The following GOLIM4 variants were observed in gnomAD, a reference collection of about 807,000 sequenced individuals.
The protein encoded by GOLIM4 is 130 kDa golgi-localized phosphoprotein.
GOLIM4 carries 71 observed loss-of-function variants against 107.4 expected under a neutral mutation model. That is an observed-to-expected ratio of 0.66 (90% confidence interval 0.55 to 0.81). The LOEUF is 0.81. Ranked by LOEUF, GOLIM4 falls within the 30% of genes least tolerant of loss-of-function variation. The pLI is 0.00. For missense variants in GOLIM4, 830 were observed against 826.1 expected, an observed-to-expected ratio of 1.00 and a Z score of -0.06; for synonymous variants, 327 against 294.8, an observed-to-expected ratio of 1.11 and a Z score of -1.12.
At chr3:168,025,489 A>G (rs923084932) in intron 12 of GOLIM4, among the ~76,000 whole-genome samples, 1 of 152,224 alleles carries the variant, frequency 6.6e-6, no homozygotes, top group Non-Finnish European at 1.5e-5. Context: ...TCTTTTTGCT[A>G]TGTTGATTTT....
Position 168,095,219 on chromosome 3 carries a change from C to A in GOLIM4, c.67G>T (p.Val23Leu), listed in dbSNP as rs768502948. The change falls in exon 1 of 16, where the codon GTG becomes TTG. Residue 23 changes from valine (V) to leucine (L), a missense_variant. Physicochemically the swap from Val to Leu is conservative, Grantham distance 32 (BLOSUM62 1). Coordinates refer to ENST00000470487, the MANE Select transcript of GOLIM4 (RefSeq NM_014498.5). ...IFQTLLLLTV[V>L]FGFLYGAMLY... ...ATCGCGCCGTAGAGAAAGCCGAACA[C>A]GACGGTCAGCAGCAGCAGCGTCTGG... The A allele has an allele frequency of 6.2e-7, 1 of 1,613,708 alleles. No individual in the cohort carries two copies. Among genetic ancestry groups the A allele is most frequent in the Non-Finnish European group, 8.5e-7 (1 of 1,180,002 alleles).
At chr3:168,043,301 C>G in intron 5 of GOLIM4, 78 bp downstream of exon 5, 1 of 993,306 alleles carries the variant, frequency 1.0e-6, no homozygotes. Context: ...CCACTCAAAA[C>G]AACAGTCTAC....
intron 14 of GOLIM4, among the ~76,000 whole-genome samples, chr3:168,021,202 C>G (rs1157299684): frequency 6.6e-6 from 1 of 152,100 alleles, no homozygotes; most frequent in Non-Finnish European, 1.5e-5. Flanking sequence ...TAACACCTTT[C>G]TTTTACACAT....
Position 168,010,354 on chromosome 3 carries a change from C to T in GOLIM4, c.2006G>A (p.Arg669Gln), listed in dbSNP as rs542482925. 341 of 1,613,284 alleles carry T rather than the reference C, an allele frequency of 2.1e-4. No homozygotes were observed. The highest frequency in any genetic ancestry group is 5.0e-4 in the Middle Eastern group (3 of 6,060). ...TTCTTCCTCCTCGTAGTGTTCCTCT[C>T]GGCCTTTGGGGCGGTTGTCATCTCG... ...EVRDDNRPKG[R>Q]EEHYEEEEEE... Residue 669 changes from arginine to glutamine, a missense_variant, in exon 16 of 16, where the codon CGA becomes CAA. Transcript: ENST00000470487.
At chr3:168,035,062 C>G (rs1718572695) in intron 8 of GOLIM4, among the ~76,000 whole-genome samples, 1 of 148,532 alleles carries the variant, frequency 6.7e-6, no homozygotes, top group Non-Finnish European at 1.5e-5. Flanking sequence ...AACAACTCAG[C>G]ATCACTGATC....
intron 1 of GOLIM4, among the ~76,000 whole-genome samples, chr3:168,077,023 T>A (rs746962734): frequency 6.6e-6 from 1 of 152,216 alleles, no homozygotes; most frequent in Non-Finnish European, 1.5e-5. Flanking sequence ...CATTATTAAC[T>A]CATACCCTCC....
At chr3:168,036,367 C>G (rs539131462) in intron 8 of GOLIM4, among the ~76,000 whole-genome samples, 1 of 152,148 alleles carries the variant, frequency 6.6e-6, no homozygotes, top group Admixed American at 6.5e-5. Context: ...ATAGCGAAAC[C>G]CTGTCTCTAC....
intron 1 of GOLIM4, among the ~76,000 whole-genome samples, chr3:168,090,697 A>G: frequency 6.6e-6 from 1 of 152,328 alleles, no homozygotes; most frequent in South Asian, 2.1e-4. Flanking sequence ...ATAAATAATT[A>G]TACAAAAAAG....
intron 1 of GOLIM4, among the ~76,000 whole-genome samples, chr3:168,088,426 G>T (rs567303833): frequency 1.4e-4 from 21 of 152,182 alleles, no homozygotes; most frequent in Non-Finnish European, 2.4e-4. Flanking sequence ...ACTCATACTC[G>T]TCACTTCAGA....
chr3:168,068,758 G>C (rs1426114597), intron 1 of GOLIM4, among the ~76,000 whole-genome samples: 1 of 151,832 alleles, frequency 6.6e-6, no homozygotes, highest in Non-Finnish European at 1.5e-5. Flanking sequence ...AAATTTTATA[G>C]AGATTCCTTT....
intron 9 of GOLIM4, among the ~76,000 whole-genome samples, chr3:168,031,220 A>G (rs1177191425): frequency 6.6e-6 from 1 of 152,208 alleles, no homozygotes; most frequent in East Asian, 1.9e-4. Context: ...GATGAATGGT[A>G]CAAACATATA....
intron 1 of GOLIM4, 149 bp downstream of exon 1, chr3:168,094,950 C>T: frequency 1.6e-6 from 1 of 611,914 alleles, no homozygotes. Flanking sequence ...CACTCTGGTG[C>T]CGGCAGTCCT....
intron 1 of GOLIM4, among the ~76,000 whole-genome samples, chr3:168,075,122 C>A (rs1457027595): frequency 1.3e-5 from 2 of 151,406 alleles, no homozygotes; most frequent in East Asian, 3.9e-4. Flanking sequence ...AGCAATCAAC[C>A]AGTGAAGTTA....
At chr3:168,058,099 A>C (rs1720076541) in intron 1 of GOLIM4, among the ~76,000 whole-genome samples, 1 of 152,240 alleles carries the variant, frequency 6.6e-6, no homozygotes, top group African/African-American at 2.4e-5. Context: ...CTGAGAAAAA[A>C]AAGAACATTC....
intron 2 of GOLIM4, among the ~76,000 whole-genome samples, chr3:168,047,623 G>A (rs979285065): frequency 2.6e-5 from 4 of 152,058 alleles, no homozygotes; most frequent in Non-Finnish European, 2.9e-5. Flanking sequence ...GACAGAACAC[G>A]TAATTTAAAT....
chr3:168,027,486 A>G (rs1718055073), intron 12 of GOLIM4, among the ~76,000 whole-genome samples: 1 of 150,888 alleles, frequency 6.6e-6, no homozygotes, highest in South Asian at 2.1e-4. Flanking sequence ...CAGAAAAAAA[A>G]AATCCTGGTT....
rs374374393 is a variant in GOLIM4 at position 168,075,286 on chromosome 3, G to GTTT, written c.187+19810_187+19812dup. Among the ~76,000 whole-genome samples, 342 of 94,224 alleles carry GTTT rather than the reference G, an allele frequency of 3.6e-3. 64 individuals carry two copies. Among genetic ancestry groups the GTTT allele is most frequent in the African/African-American group, 8.8e-3 (205 of 23,274 alleles). The allele number at this position is 94,224 out of a possible 152,430, so 61.8% of individuals were successfully genotyped here. A position where few individuals can be genotyped will look rare whatever the true frequency, so the allele number is the denominator to read the frequency against. On this transcript the variant is annotated intron_variant, in intron 1 of 15. Coordinates refer to ENST00000470487, the MANE Select transcript of GOLIM4 (RefSeq NM_014498.5). ...ACTGGTAATTGGCGGACATTCACTA[G>GTTT]TTTTTTTTTTTTTTTTTTTTTTTTT...
intron 14 of GOLIM4, among the ~76,000 whole-genome samples, chr3:168,017,213 C>A (rs750588218): frequency 2.6e-5 from 4 of 151,992 alleles, no homozygotes; most frequent in Admixed American, 6.6e-5. Flanking sequence ...TCTGGCCAGG[C>A]GTGGTGGCTC....
At chr3:168,075,386 T>C (rs1330334462) in intron 1 of GOLIM4, among the ~76,000 whole-genome samples, 5 of 131,902 alleles carry the variant, frequency 3.8e-5, no homozygotes, top group Non-Finnish European at 3.1e-5. Context: ...AAGCTCCGCC[T>C]CCCGGGTTCA....
Sources: allele counts gnomAD v4.1 joint callset (sites outside exome capture counted in the v4.1 genomes callset), GRCh38; gene constraint gnomAD v4.1.1; transcripts MANE v1.5; gene names NCBI Gene and HGNC (gene_info 2026-07-23, HGNC 2026-07-21).